Variants in HNF4G observed in about 807,000 individuals in gnomAD.
HNF4G encodes hepatocyte nuclear factor 4 gamma.
HNF4G carries 21 observed loss-of-function variants against 50.9 expected under a neutral mutation model. That is an observed-to-expected ratio of 0.41 (90% CI 0.29 to 0.59). The LOEUF is 0.59. Among genes scored for constraint, HNF4G ranks in the 20% least tolerant of loss-of-function variants. The probability of loss-of-function intolerance (pLI) is 0.26; values close to 1 mark genes in which losing one functional copy is unlikely to be tolerated. For synonymous variants in HNF4G, 198 were observed against 185.6 expected (o/e 1.07, Z -0.54); for missense variants, 527 against 559.4 (o/e 0.94, Z 0.58).
At chr8:75,508,086 A>G (rs75919187) in intron 2 of HNF4G, among the ~76,000 whole-genome samples, 1 of 152,184 alleles carries the variant, frequency 6.6e-6, no homozygotes, top group South Asian at 2.1e-4. Context: ...CAACATTATA[A>G]GAATACAATG....
chr8:75,530,500 A>T (rs1057107646), intron 2 of HNF4G, among the ~76,000 whole-genome samples: 15 of 152,260 alleles, frequency 9.9e-5, no homozygotes, highest in African/African-American at 3.1e-4. Context: ...ACACTCAGGT[A>T]CCAAACTGAC....
chr8:75,439,675 AT>A (rs1250005522), intron 1 of HNF4G, among the ~76,000 whole-genome samples: 5 of 152,098 alleles, frequency 3.3e-5, no homozygotes, highest in African/African-American at 1.2e-4. Flanking sequence ...AATTGCAAAG[AT>A]ATTAAGAGTT....
At chr8:75,433,643 C>T in intron 1 of HNF4G, among the ~76,000 whole-genome samples, 1 of 152,120 alleles carries the variant, frequency 6.6e-6, no homozygotes, top group Non-Finnish European at 1.5e-5. Flanking sequence ...CAGTGGTTCT[C>T]CCACCTCAGC....
intron 1 of HNF4G, among the ~76,000 whole-genome samples, chr8:75,426,182 T>G (rs1010524699): frequency 6.6e-6 from 1 of 152,208 alleles, no homozygotes; most frequent in Admixed American, 6.5e-5. Context: ...CACAACAATA[T>G]ATTCCTAAGT....
At chr8:75,546,832 A>C (rs1806794991) in intron 2 of HNF4G, among the ~76,000 whole-genome samples, 1 of 152,138 alleles carries the variant, frequency 6.6e-6, no homozygotes, top group Non-Finnish European at 1.5e-5. Context: ...TGCTGTGTAC[A>C]TTTATGAAGA....
intron 2 of HNF4G, among the ~76,000 whole-genome samples, chr8:75,494,611 C>T (rs917864040): frequency 6.6e-6 from 1 of 151,826 alleles, no homozygotes; most frequent in Non-Finnish European, 1.5e-5. Context: ...TTATCAAGGA[C>T]CAGTATTGTG....
In HNF4G at chr8:75,467,753, C is replaced by T. The variant is rs538565711; in HGVS notation, c.-143-22336C>T. Among the ~76,000 whole-genome samples, 8 of 152,052 alleles carry T rather than the reference C, an allele frequency of 5.3e-5. No homozygotes were observed. In the South Asian group the frequency reaches 6.2e-4, roughly 12 times the overall value. Reference sequence around the variant, plus strand: ...ATATATTTTACTTCCTTCTTCTAGACATCAAGAAAAGTAATTATTTTTTTT... The same window carrying T: ...ATATATTTTACTTCCTTCTTCTAGATATCAAGAAAAGTAATTATTTTTTTT... On this transcript the variant is annotated intron_variant, in intron 1 of 10. Transcript: ENST00000354370.
intron 2 of HNF4G, among the ~76,000 whole-genome samples, chr8:75,525,850 C>T (rs1481869955): frequency 6.6e-6 from 1 of 152,020 alleles, no homozygotes; most frequent in African/African-American, 2.4e-5. Flanking sequence ...ATTATAGCAG[C>T]AAACTAAAGA....
At chr8:75,544,702 A>G (rs182307713) in intron 2 of HNF4G, among the ~76,000 whole-genome samples, 1 of 151,864 alleles carries the variant, frequency 6.6e-6, no homozygotes, top group African/African-American at 2.4e-5. Context: ...ATTTAAGTAT[A>G]CATATTGCAT....
At chr8:75,431,335 A>G (rs1339496525) in intron 1 of HNF4G, among the ~76,000 whole-genome samples, 1 of 152,218 alleles carries the variant, frequency 6.6e-6, no homozygotes, top group African/African-American at 2.4e-5. Flanking sequence ...TTGATGAAAG[A>G]CATGGATCTT....
At chr8:75,518,790 C>T (rs1265236240) in intron 2 of HNF4G, among the ~76,000 whole-genome samples, 1 of 152,028 alleles carries the variant, frequency 6.6e-6, no homozygotes, top group African/African-American at 2.4e-5. Context: ...GAGGGACTGC[C>T]ACGAAGATCT....
chr8:75,493,097 G>A (rs1812674528), intron 2 of HNF4G, among the ~76,000 whole-genome samples: 1 of 151,930 alleles, frequency 6.6e-6, no homozygotes, highest in African/African-American at 2.4e-5. Flanking sequence ...GCTTAAATAT[G>A]TGTAAAAATA....
At chr8:75,526,437 C>T (rs2130756651) in intron 2 of HNF4G, among the ~76,000 whole-genome samples, 1 of 152,238 alleles carries the variant, frequency 6.6e-6, no homozygotes, top group East Asian at 1.9e-4. Context: ...TGCGCATATT[C>T]CCAGTTGAAG....
intron 1 of HNF4G, among the ~76,000 whole-genome samples, chr8:75,419,006 C>T (rs1051127257): frequency 2.0e-5 from 3 of 152,084 alleles, no homozygotes; most frequent in African/African-American, 2.4e-5. Flanking sequence ...GGATTACAGG[C>T]GTGAGCCACT....
chr8:75,498,247 CAA>C (rs1812830505), intron 2 of HNF4G, among the ~76,000 whole-genome samples: 2 of 151,640 alleles, frequency 1.3e-5, no homozygotes, highest in South Asian at 4.2e-4. Flanking sequence ...TAACAAGGAA[CAA>C]AAAAGCAATG....
intron 2 of HNF4G, among the ~76,000 whole-genome samples, chr8:75,502,923 T>G (rs1812969941): frequency 6.6e-6 from 1 of 152,158 alleles, no homozygotes; most frequent in South Asian, 2.1e-4. Flanking sequence ...TCAAACAAAA[T>G]ATGCAAAACA....
intron 1 of HNF4G, among the ~76,000 whole-genome samples, chr8:75,478,988 A>C (rs2130651839): frequency 6.6e-6 from 1 of 152,286 alleles, no homozygotes. Flanking sequence ...TCCCGAAGTG[A>C]TAGAATTACA....
Position 75,564,242 on chromosome 8 carries a change from C to A in HNF4G, c.*146C>A. 1.3e-6 allele frequency: 1 copy of A among 745,060 alleles called. No homozygotes were observed. Among genetic ancestry groups the A allele is most frequent in the Non-Finnish European group, 2.1e-6 (1 of 467,680 alleles). 46.2% of individuals were successfully genotyped at this position (745,060 alleles called of 1,614,324 possible). A position where few individuals can be genotyped will look rare whatever the true frequency, so the allele number is the denominator to read the frequency against. On this transcript the variant is annotated 3_prime_UTR_variant, in exon 10 of 10. Coordinates refer to ENST00000396423, the MANE Select transcript of HNF4G (RefSeq NM_004133.5). ...ATGGTGTCCTATTTTCTTGTTTATA[C>A]GTTCATTCTGTTTGTTATTGCTACT...
chr8:75,510,831 A>C (rs1469035758), intron 2 of HNF4G, among the ~76,000 whole-genome samples: 2 of 152,062 alleles, frequency 1.3e-5, no homozygotes, highest in African/African-American at 4.8e-5. Context: ...ATATGTATTT[A>C]TATATTTTAT....
Sources: gnomAD v4.1 joint callset for allele counts (sites outside exome capture counted in the v4.1 genomes callset) on GRCh38, gnomAD v4.1.1 for gene constraint, MANE v1.5 for transcripts, NCBI Gene and HGNC (gene_info 2026-07-23, HGNC 2026-07-21) for gene names.